Variants in CAMTA1 observed in about 807,000 individuals in gnomAD.
The protein encoded by CAMTA1 is calmodulin binding transcription activator 1.
A neutral mutation model predicts 170.9 loss-of-function variants in CAMTA1; 27 were observed. The ratio of observed to expected loss-of-function variants is 0.16; its 90% CI spans 0.12 to 0.22. The LOEUF (loss-of-function observed/expected upper bound fraction) is 0.22, where lower values mean the gene tolerates loss of function less well. CAMTA1 is among the 10% of genes least tolerant of loss of function. CAMTA1 has a pLI of 1.00. For synonymous variants in CAMTA1, 833 were observed against 891.5 expected, an observed-to-expected ratio of 0.93 and a Z score of 1.17; for missense variants, 1,619 against 2,217.2, an observed-to-expected ratio of 0.73 and a Z score of 5.42.
chr1:6,943,205 C>T (rs76898899), intron 3 of CAMTA1, among the ~76,000 whole-genome samples: 4,095 of 151,958 alleles, frequency 0.027, 53 homozygotes, highest in South Asian at 0.04. Context: ...CTCCCCTCTT[C>T]TCCTCCTCCC....
chr1:7,496,292 C>G (rs1374091546), intron 6 of CAMTA1, among the ~76,000 whole-genome samples: 1 of 152,278 alleles, frequency 6.6e-6, no homozygotes, highest in East Asian at 1.9e-4. Flanking sequence ...TAAGATGGCT[C>G]TATGTGGGGC....
chr1:7,723,935 T>A (rs1307657559), intron 11 of CAMTA1, among the ~76,000 whole-genome samples: 3 of 152,210 alleles, frequency 2.0e-5, no homozygotes, highest in African/African-American at 7.2e-5. Context: ...CTCTCCTGCC[T>A]CAATCTCCCA....
intron 6 of CAMTA1, among the ~76,000 whole-genome samples, chr1:7,613,059 A>G (rs534395180): frequency 1.9e-4 from 29 of 152,266 alleles, no homozygotes; most frequent in South Asian, 4.1e-4. Flanking sequence ...TCACCTTAGC[A>G]GTTTTATATC....
chr1:6,889,786 G>A (rs893973042), intron 3 of CAMTA1, among the ~76,000 whole-genome samples: 1 of 152,128 alleles, frequency 6.6e-6, no homozygotes, highest in African/African-American at 2.4e-5. Flanking sequence ...AGAGATGCAG[G>A]AGCACATGCA....
intron 5 of CAMTA1, among the ~76,000 whole-genome samples, chr1:7,425,395 G>A (rs1261675740): frequency 6.6e-6 from 1 of 152,138 alleles, no homozygotes; most frequent in Non-Finnish European, 1.5e-5. Context: ...TGGGAAAGAG[G>A]CCCTGGCAGT....
At chr1:6,875,476 G>A (rs1458219690) in intron 3 of CAMTA1, among the ~76,000 whole-genome samples, 1 of 152,068 alleles carries the variant, frequency 6.6e-6, no homozygotes, top group Non-Finnish European at 1.5e-5. Flanking sequence ...GTAGAAACGA[G>A]GTTTCACCAT....
At chr1:7,120,909 T>G (rs1644602860) in intron 4 of CAMTA1, among the ~76,000 whole-genome samples, 1 of 152,258 alleles carries the variant, frequency 6.6e-6, no homozygotes, top group South Asian at 2.1e-4. Flanking sequence ...AAGGTATCAT[T>G]AATCATTTCA....
chr1:7,040,605 A>C (rs939099101), intron 3 of CAMTA1, among the ~76,000 whole-genome samples: 3 of 152,132 alleles, frequency 2.0e-5, no homozygotes, highest in African/African-American at 7.2e-5. Flanking sequence ...TGTACCCGTA[A>C]GCAGGGAGTC....
At chr1:7,219,231 C>T (rs910571909) in intron 4 of CAMTA1, 3 of 150,554 alleles carry the variant, frequency 2.0e-5, no homozygotes, top group African/African-American at 7.5e-5. Context: ...TACGGTTGGA[C>T]TCAACGAGCC....
intron 6 of CAMTA1, among the ~76,000 whole-genome samples, chr1:7,632,030 C>T (rs962911603): frequency 4.6e-5 from 7 of 152,068 alleles, no homozygotes; most frequent in African/African-American, 1.2e-4. Flanking sequence ...CGCCCAGTGC[C>T]GCCCAGTGCC....
At chr1:6,893,975 T>C (rs1675115740) in intron 3 of CAMTA1, among the ~76,000 whole-genome samples, 1 of 152,136 alleles carries the variant, frequency 6.6e-6, no homozygotes, top group South Asian at 2.1e-4. Context: ...TCCTTTCTCC[T>C]CTCTCTTTTC....
chr1:7,038,766 G>T (rs1288709957), intron 3 of CAMTA1, among the ~76,000 whole-genome samples: 1 of 152,220 alleles, frequency 6.6e-6, no homozygotes. Context: ...AAGGCTGGGC[G>T]TGGTGGCTCA....
At chr1:7,012,011 G>C (rs750584070) in intron 3 of CAMTA1, among the ~76,000 whole-genome samples, 15 of 152,134 alleles carry the variant, frequency 9.9e-5, no homozygotes, top group Non-Finnish European at 2.1e-4. Context: ...CAGACTTTCT[G>C]GCCCTGTCTC....
intron 6 of CAMTA1, among the ~76,000 whole-genome samples, chr1:7,477,850 GT>G (rs1336246653): frequency 1.3e-5 from 2 of 152,154 alleles, no homozygotes; most frequent in African/African-American, 2.4e-5. Flanking sequence ...CTCCCGCCGT[GT>G]GGACGAGTGG....
intron 11 of CAMTA1, among the ~76,000 whole-genome samples, chr1:7,711,486 T>G (rs2096570273): frequency 6.6e-6 from 1 of 152,180 alleles, no homozygotes; most frequent in Admixed American, 6.5e-5. Context: ...GTCATAGTCC[T>G]AAAGAAAACA....
intron 5 of CAMTA1, among the ~76,000 whole-genome samples, chr1:7,393,080 C>T (rs567310988): frequency 6.6e-6 from 1 of 151,236 alleles, no homozygotes; most frequent in African/African-American, 2.4e-5. Flanking sequence ...GTTTTAGTTG[C>T]TCCACATCCT....
At chr1:7,129,188 A>G (rs1645108352) in intron 4 of CAMTA1, among the ~76,000 whole-genome samples, 1 of 152,046 alleles carries the variant, frequency 6.6e-6, no homozygotes, top group Admixed American at 6.6e-5. Context: ...CCAGGCTCCC[A>G]CAGCTGGTAT....
intron 5 of CAMTA1, among the ~76,000 whole-genome samples, chr1:7,250,152 G>A (rs1014560220): frequency 6.6e-6 from 1 of 152,208 alleles, no homozygotes; most frequent in Non-Finnish European, 1.5e-5. Flanking sequence ...TTGGGGTCCT[G>A]CAGAAACATC....
chr1:7,287,428 T>A (rs561407830), intron 5 of CAMTA1, among the ~76,000 whole-genome samples: 1 of 152,224 alleles, frequency 6.6e-6, no homozygotes, highest in South Asian at 2.1e-4. Flanking sequence ...GTAACTGCTC[T>A]TGGGACTGAG....
Sources: gnomAD v4.1 joint callset for allele counts (sites outside exome capture counted in the v4.1 genomes callset) on GRCh38, gnomAD v4.1.1 for gene constraint, MANE v1.5 for transcripts, NCBI Gene and HGNC (gene_info 2026-07-23, HGNC 2026-07-21) for gene names.